The following FAM3B variants were observed in gnomAD, a reference collection of about 807,000 sequenced individuals.
FAM3B encodes FAM3 metabolism regulating signaling molecule B.
Under a neutral mutation model 28.4 loss-of-function variants are expected in FAM3B, and 29 were observed. That is an observed-to-expected ratio of 1.02 (90% CI 0.76 to 1.39). The LOEUF is 1.39. Ranked by LOEUF, FAM3B falls within the 40% of genes most tolerant of loss-of-function variation. The pLI, the probability that FAM3B is intolerant of heterozygous loss-of-function variation, is 0.00. For missense variants in FAM3B, 266 were observed against 293.9 expected, an observed-to-expected ratio of 0.91 and a Z score of 0.69; for synonymous variants, 91 against 103.0, an observed-to-expected ratio of 0.88 and a Z score of 0.71.
At chr21:41,347,580 T>G (rs537071493) in intron 6 of FAM3B, among the ~76,000 whole-genome samples, 38 of 151,928 alleles carry the variant, frequency 2.5e-4, no homozygotes, top group African/African-American at 8.9e-4. Context: ...TGGTGAAACC[T>G]TGTCTCTACT....
At chr21:41,304,911 T>G (rs1204790436) in intron 1 of FAM3B, among the ~76,000 whole-genome samples, 1 of 152,140 alleles carries the variant, frequency 6.6e-6, no homozygotes, top group Non-Finnish European at 1.5e-5. Context: ...AGGCAGGGGC[T>G]GCTGGAGTGA....
intron 6 of FAM3B, 105 bp from the exon 7 acceptor site, chr21:41,348,487 A>G: frequency 7.4e-7 from 1 of 1,349,652 alleles, no homozygotes. Flanking sequence ...GAATGTGTTT[A>G]GAAACCTCCA....
chr21:41,337,353 A>G (rs2088964574), intron 2 of FAM3B, among the ~76,000 whole-genome samples: 1 of 152,176 alleles, frequency 6.6e-6, no homozygotes, highest in Non-Finnish European at 1.5e-5. Context: ...TGGGATCAGT[A>G]GTGATGCAGT....
At chr21:41,349,961 A>G (rs548199659) in intron 7 of FAM3B, among the ~76,000 whole-genome samples, 3 of 152,268 alleles carry the variant, frequency 2.0e-5, no homozygotes, top group South Asian at 4.2e-4. Context: ...GTGCCTGGGC[A>G]CTTGCATGCA....
chr21:41,304,320 C>T (rs1201140054), intron 1 of FAM3B: 2 of 455,842 alleles, frequency 4.4e-6, no homozygotes, highest in Non-Finnish European at 4.4e-6. Flanking sequence ...GGTGAGAGGA[C>T]GCGGGGCTGG....
chr21:41,330,355 G>A (rs189538577), intron 2 of FAM3B, among the ~76,000 whole-genome samples: 3 of 152,144 alleles, frequency 2.0e-5, no homozygotes, highest in Admixed American at 2.0e-4. Context: ...AACACTGCTG[G>A]TCCCAAGCAT....
At chr21:41,340,981 C>T (rs1288961176) in intron 3 of FAM3B, among the ~76,000 whole-genome samples, 1 of 151,914 alleles carries the variant, frequency 6.6e-6, no homozygotes, top group African/African-American at 2.4e-5. Context: ...TGCATGTATA[C>T]ATGTGAATAT....
In FAM3B at chr21:41,326,652, GGAAGTCCCTGGGGAGAGC is replaced by G. The variant is rs1257099650; in HGVS notation, c.163+3587_163+3604del. On this transcript the variant is annotated intron_variant, in intron 2 of 7. Transcript: ENST00000357985. This position sits in a 1 kb window ranked among gnomAD's most constrained non-coding sequence, Gnocchi z 4.0. ...CTCGTTCTGCTGCCGATCCCGTAGGGGAAGTCCCTGGGGAGAGCATCCCTATGGGACCCCCACAATGGC... is the reference window on the plus strand; with the variant it reads ...CTCGTTCTGCTGCCGATCCCGTAGGGATCCCTATGGGACCCCCACAATGGC... Among the ~76,000 whole-genome samples the G allele has an allele frequency of 7.9e-5, 12 of 152,356 alleles. No individual in the cohort carries two copies. In the East Asian group the frequency reaches 2.3e-3, roughly 29 times the overall value.
intron 1 of FAM3B, among the ~76,000 whole-genome samples, chr21:41,309,265 C>A (rs2088697700): frequency 6.6e-6 from 1 of 152,204 alleles, no homozygotes; most frequent in Admixed American, 6.5e-5. Flanking sequence ...CAACTGGAGT[C>A]TCCTTTTCTG....
intron 1 of FAM3B, among the ~76,000 whole-genome samples, chr21:41,307,501 C>T (rs944993020): frequency 3.3e-5 from 5 of 152,246 alleles, no homozygotes; most frequent in African/African-American, 1.2e-4. Flanking sequence ...AACTGTTTGG[C>T]ACAAGAGGCC....
intron 2 of FAM3B, among the ~76,000 whole-genome samples, chr21:41,328,895 ACG>A (rs1264087335): frequency 6.6e-6 from 1 of 152,200 alleles, no homozygotes; most frequent in African/African-American, 2.4e-5. Flanking sequence ...AACCCAGACC[ACG>A]TCCAGCTCGG....
rs762390563 is a variant in FAM3B, at chr21:41,322,849, G to A, written c.20-74G>A. The A allele has an allele frequency of 1.4e-5, 23 of 1,612,398 alleles. 1 individual carries two copies. Among genetic ancestry groups the A allele is most frequent in the South Asian group, 2.2e-5 (2 of 91,010 alleles). ...ACTGGGCCGGGATGAAAAGCCACAG[G>A]GGGGATGGGGAGGGCCAAGGGCCAG... On this transcript the variant is annotated intron_variant, in intron 1 of 7. Transcript: ENST00000357985.
chr21:41,304,822 G>A (rs1220404915), intron 1 of FAM3B, among the ~76,000 whole-genome samples: 1 of 152,184 alleles, frequency 6.6e-6, no homozygotes, highest in Admixed American at 6.5e-5. Context: ...ACGTTCCCTG[G>A]GGGCAGCTGA....
intron 2 of FAM3B, among the ~76,000 whole-genome samples, chr21:41,336,764 A>C (rs1239673807): frequency 2.6e-5 from 4 of 152,014 alleles, no homozygotes; most frequent in Admixed American, 2.6e-4. Flanking sequence ...TGTTTGGTGC[A>C]TACATACACA....
Position 41,317,048 on chromosome 21 carries a change from A to T in FAM3B, c.19+150A>T, listed in dbSNP as rs1601347365. 5 of 703,590 alleles carry T rather than the reference A, an allele frequency of 7.1e-6. 1 individual carries two copies. Among genetic ancestry groups the T allele is most frequent in the South Asian group, 1.1e-4 (2 of 18,200 alleles). 43.6% of individuals were successfully genotyped at this position (703,590 alleles called of 1,614,324 possible). A position where few individuals can be genotyped will look rare whatever the true frequency, so the allele number is the denominator to read the frequency against. On this transcript the variant is annotated intron_variant, in intron 1 of 7. Transcript: ENST00000357985. Reference sequence around the variant, plus strand: ...CGCCGAGGCTGGTCTTAGACCTGGGATCAGGAATGCGGGAAGCGATTCCAG... The same window carrying T: ...CGCCGAGGCTGGTCTTAGACCTGGGTTCAGGAATGCGGGAAGCGATTCCAG...
chr21:41,333,823 A>C (rs1479856646), intron 2 of FAM3B, among the ~76,000 whole-genome samples: 1 of 152,190 alleles, frequency 6.6e-6, no homozygotes, highest in Non-Finnish European at 1.5e-5. Flanking sequence ...GGAACTTCCT[A>C]GAGACTAGTT....
At chr21:41,356,997 T>C (rs2089172875) in intron 7 of FAM3B, 111 bp from the exon 8 acceptor site, 2 of 554,038 alleles carry the variant, frequency 3.6e-6, no homozygotes, top group Admixed American at 6.2e-5. Context: ...CCAGCTTTGG[T>C]TGGAGCAAAT....
At chr21:41,314,974 T>G (rs2088737445), upstream of FAM3B, among the ~76,000 whole-genome samples, 1 of 152,162 alleles carries the variant, frequency 6.6e-6, no homozygotes, top group South Asian at 2.1e-4. Flanking sequence ...CCAGAAGAGA[T>G]ATTTGCACAC....
intron 2 of FAM3B, among the ~76,000 whole-genome samples, chr21:41,335,262 G>A (rs955750362): frequency 6.6e-6 from 1 of 152,176 alleles, no homozygotes; most frequent in Non-Finnish European, 1.5e-5. Context: ...TTTGCAATGT[G>A]AGAAGGACAA....
Sources: allele counts gnomAD v4.1 joint callset (sites outside exome capture counted in the v4.1 genomes callset), GRCh38; gene constraint gnomAD v4.1.1; non-coding constraint Gnocchi (gnomAD v3.1); transcripts MANE v1.5; gene names NCBI Gene and HGNC (gene_info 2026-07-23, HGNC 2026-07-21).